The following ADGRD1 variants were observed in gnomAD, a reference collection of about 807,000 sequenced individuals.
ADGRD1 encodes G-protein coupled receptor 133.
A neutral mutation model predicts 113.4 loss-of-function variants in ADGRD1; 77 were observed. That is an observed-to-expected ratio of 0.68 (90% CI 0.57 to 0.82). The LOEUF is 0.82. Among genes scored for constraint, ADGRD1 ranks in the 40% least tolerant of loss-of-function variants. The probability of loss-of-function intolerance (pLI) is 0.00; values close to 1 mark genes in which losing one functional copy is unlikely to be tolerated. For synonymous variants in ADGRD1, 474 were observed against 475.0 expected, an observed-to-expected ratio of 1.00 and a Z score of 0.03; for missense variants, 1,036 against 1,139.1, an observed-to-expected ratio of 0.91 and a Z score of 1.30.
intron 13 of ADGRD1, among the ~76,000 whole-genome samples, chr12:131,051,839 T>G (rs1223108284): frequency 1.3e-5 from 2 of 152,178 alleles, no homozygotes; most frequent in Non-Finnish European, 2.9e-5. Flanking sequence ...AGGCAATTAT[T>G]TAAAGAAGGA....
rs1452651269 is a variant in ADGRD1, at chr12:131,108,824, A to G, written c.1988A>G (p.Lys663Arg). The G allele has an allele frequency of 2.5e-6, 4 of 1,588,096 alleles. No individual in the cohort carries two copies. Among genetic ancestry groups the G allele is most frequent in the Non-Finnish European group, 3.4e-6 (4 of 1,164,630 alleles). The change falls in exon 18 of 25, where the codon AAG (lysine) becomes AGG (arginine). Residue 663 changes from lysine to arginine, a missense_variant. Coordinates refer to ENST00000261654, the MANE Select transcript of ADGRD1 (RefSeq NM_198827.5). ...CTGCACCTCTACAGCATGGTGATCA[A>G]GGTCTTTGGGTCGGAGGACAGCAAG... The part of the protein sequence containing the change: ...EGLHLYSMVI[K>R]VFGSEDSKHR...
intron 22 of ADGRD1, among the ~76,000 whole-genome samples, chr12:131,136,547 G>A (rs191626438): frequency 2.0e-3 from 307 of 152,342 alleles, no homozygotes; most frequent in Admixed American, 2.9e-3. Context: ...CTTGGGATGC[G>A]CAGGGTCAGG....
chr12:131,005,249 A>C (rs1876937571), intron 11 of ADGRD1, among the ~76,000 whole-genome samples: 1 of 152,184 alleles, frequency 6.6e-6, no homozygotes, highest in African/African-American at 2.4e-5. Flanking sequence ...AGCCAAGGGA[A>C]GGGCCCAGGG....
intron 14 of ADGRD1, among the ~76,000 whole-genome samples, chr12:131,082,677 A>G (rs1322675561): frequency 6.6e-6 from 1 of 152,128 alleles, no homozygotes; most frequent in Non-Finnish European, 1.5e-5. Context: ...GACTCCCTCC[A>G]AGGTCCTGGG....
intron 13 of ADGRD1, among the ~76,000 whole-genome samples, chr12:131,043,433 C>T (rs1882345797): frequency 6.6e-6 from 1 of 152,218 alleles, no homozygotes; most frequent in Non-Finnish European, 1.5e-5. Flanking sequence ...GCTCTGGGCT[C>T]CTCCAGCAGC....
intron 13 of ADGRD1, among the ~76,000 whole-genome samples, chr12:131,042,227 G>C (rs1593103593): frequency 6.6e-6 from 1 of 152,324 alleles, no homozygotes; most frequent in Non-Finnish European, 1.5e-5. Context: ...CTTAAGTGCT[G>C]AACAGGCCAA....
intron 19 of ADGRD1, 56 bp from the exon 20 acceptor site, chr12:131,120,791 G>A (rs1950573127): frequency 1.3e-6 from 2 of 1,565,310 alleles, no homozygotes; most frequent in African/African-American, 1.3e-5. Context: ...TTGGATGAAG[G>A]TACGCTGGCA....
rs1296287402 is a variant in ADGRD1, at chr12:131,057,549, A to G, written c.1474-19252A>G. ...GAACGTCCACCCCTGCCTGTCTCCT[A>G]GTAGTCCTGGCCTGCGGCAGCCAAC... On this transcript the variant is annotated intron_variant, in intron 13 of 24. Transcript: ENST00000261654. This position sits in a 1 kb window ranked among gnomAD's most constrained non-coding sequence, Gnocchi z 4.2. 6.6e-6 allele frequency among the ~76,000 whole-genome samples: 1 copy of G among 152,166 alleles called. No homozygotes were observed. The highest frequency in any genetic ancestry group is 1.5e-5 in the Non-Finnish European group (1 of 68,022).
In ADGRD1 at chr12:131,105,799, C is replaced by T. The variant is rs1173831500; in HGVS notation, c.1821C>T (p.Asn607=). The stretch of plus-strand genomic sequence containing the variant: ...ACCAGCGCTACCACATCCACGCCAA[C>T]CTGTCCTTCGCCGTGCTGGTGGCCC... ...IRNQRYHIHA[N]LSFAVLVAQV... Residue 607 remains asparagine (N), a synonymous_variant, in exon 17 of 25, where the codon AAC becomes AAT. Coordinates refer to ENST00000261654, the MANE Select transcript of ADGRD1 (RefSeq NM_198827.5). 2 of 1,601,358 alleles carry T rather than the reference C, an allele frequency of 1.2e-6. No homozygotes were observed. Among genetic ancestry groups the T allele is most frequent in the South Asian group, 1.1e-5 (1 of 91,070 alleles).
In ADGRD1 at chr12:130,992,348, C is replaced by T. The variant is rs201661954; in HGVS notation, c.922C>T (p.Pro308Ser). ...CCTCCAAAATGTATCCCTCAGCTTACCCAGTAAGTCCCTCTCGGAGCAGAC... is the reference window on the plus strand; with the variant it reads ...CCTCCAAAATGTATCCCTCAGCTTATCCAGTAAGTCCCTCTCGGAGCAGAC... ...SYLQNVSLSLPSKSLSEQTAL... is the reference protein window; with the variant it reads ...SYLQNVSLSLSSKSLSEQTAL... The change falls in exon 8 of 25, where the codon CCC (proline) becomes TCC (serine). Residue 308 changes from proline (P) to serine (S), a missense_variant. Transcript: ENST00000261654. 2 of 1,613,652 alleles carry T rather than the reference C, an allele frequency of 1.2e-6. No homozygotes were observed. The highest frequency in any genetic ancestry group is 4.5e-5 in the East Asian group (2 of 44,876).
intron 13 of ADGRD1, among the ~76,000 whole-genome samples, chr12:131,049,546 C>T (rs1883174322): frequency 1.3e-5 from 2 of 152,336 alleles, no homozygotes; most frequent in South Asian, 2.1e-4. Flanking sequence ...ATAAAGTGCT[C>T]ATCCGTGCAC....
intron 15 of ADGRD1, among the ~76,000 whole-genome samples, chr12:131,101,711 G>C (rs900851513): frequency 2.6e-5 from 4 of 152,038 alleles, no homozygotes; most frequent in African/African-American, 9.7e-5. Context: ...AATTCAGTTT[G>C]GTAACTGCTG....
intron 17 of ADGRD1, among the ~76,000 whole-genome samples, chr12:131,106,443 C>T (rs1950236977): frequency 6.6e-6 from 1 of 152,214 alleles, no homozygotes. Flanking sequence ...AGCTGAGACT[C>T]TCTGAAGTGA....
At chr12:131,020,063 C>G (rs1879125571) in intron 13 of ADGRD1, among the ~76,000 whole-genome samples, 1 of 90,662 alleles carries the variant, frequency 1.1e-5, no homozygotes, top group Non-Finnish European at 2.4e-5. Context: ...GGGAAGGACC[C>G]CGAGCTCCGT....
intron 12 of ADGRD1, among the ~76,000 whole-genome samples, chr12:131,010,353 G>A (rs916811424): frequency 3.3e-5 from 5 of 152,234 alleles, no homozygotes; most frequent in Non-Finnish European, 7.3e-5. Context: ...TTATCAAGGA[G>A]TTCCTTTACC....
At chr12:131,059,340 A>G (rs6486623) in intron 13 of ADGRD1, among the ~76,000 whole-genome samples, 133,106 of 152,066 alleles carry the variant, frequency 0.88, 58,770 homozygotes, top group East Asian at 1. Flanking sequence ...CACCATGCCC[A>G]GCTAATTTTT....
chr12:131,125,258 C>T (rs998014326), intron 20 of ADGRD1, among the ~76,000 whole-genome samples: 1 of 152,142 alleles, frequency 6.6e-6, no homozygotes, highest in African/African-American at 2.4e-5. Flanking sequence ...GCCCATAACG[C>T]CTGATTTTCC....
chr12:131,070,737 C>A (rs1885090563), intron 13 of ADGRD1: 2 of 495,920 alleles, frequency 4.0e-6, no homozygotes, highest in South Asian at 1.5e-5. Flanking sequence ...ACAGCACTAT[C>A]CTGGGCGGAA....
chr12:131,080,164 T>C (rs1438564844), intron 14 of ADGRD1, among the ~76,000 whole-genome samples: 1 of 152,230 alleles, frequency 6.6e-6, no homozygotes, highest in African/African-American at 2.4e-5. Flanking sequence ...TTTTGATATG[T>C]TTTTATTTTG....
Sources: allele counts gnomAD v4.1 joint callset (sites outside exome capture counted in the v4.1 genomes callset), GRCh38; gene constraint gnomAD v4.1.1; non-coding constraint Gnocchi (gnomAD v3.1); transcripts MANE v1.5; gene names NCBI Gene and HGNC (gene_info 2026-07-23, HGNC 2026-07-21).